The following MMP28 variants were observed in gnomAD, a reference collection of about 807,000 sequenced individuals.
MMP28 encodes the protein matrix metallopeptidase 28, also known as matrix metalloproteinase-28.
In MMP28, 55 loss-of-function variants were observed where a neutral mutation model predicts 60.5. That is an observed-to-expected ratio of 0.91 (90% CI 0.73 to 1.14). The LOEUF (loss-of-function observed/expected upper bound fraction) is 1.14. MMP28 is among the 50% of genes most tolerant of loss of function. The probability of loss-of-function intolerance (pLI) is 0.00; values close to 1 mark genes in which losing one functional copy is unlikely to be tolerated. For synonymous variants in MMP28, 318 were observed against 312.5 expected, an observed-to-expected ratio of 1.02 and a Z score of -0.18; for missense variants, 686 against 738.3, an observed-to-expected ratio of 0.93 and a Z score of 0.82.
intron 1 of MMP28, among the ~76,000 whole-genome samples, chr17:35,784,365 G>T (rs2086589770): frequency 6.6e-6 from 1 of 151,842 alleles, no homozygotes; most frequent in Non-Finnish European, 1.5e-5. Flanking sequence ...CTTAACATGT[G>T]TATATTCAAA....
rs1302517657 is a variant in MMP28 at position 35,766,685 on chromosome 17, C to T, written c.1378G>A (p.Gly460Arg). Residue 460 changes from glycine to arginine, a missense_variant, in exon 8 of 8, where the codon GGA becomes AGA. Transcript: ENST00000605424. The surrounding 1 kb of genome is among the most constrained non-coding windows in gnomAD (Gnocchi z 4.3). ...PYYPRSLQDW[G>R]GIPEEVSGAL... ...CCGCTGACCTCCTCAGGGATGCCTCCCCAGTCCTGCAGACTTCGGGGGTAG... is the reference window on the plus strand; with the variant it reads ...CCGCTGACCTCCTCAGGGATGCCTCTCCAGTCCTGCAGACTTCGGGGGTAG... 1 of 1,608,622 alleles carries T rather than the reference C, an allele frequency of 6.2e-7. No homozygotes were observed. The highest frequency in any genetic ancestry group is 8.5e-7 in the Non-Finnish European group (1 of 1,177,532).
intron 1 of MMP28, among the ~76,000 whole-genome samples, chr17:35,790,152 C>T (rs576525862): frequency 3.3e-5 from 5 of 150,712 alleles, no homozygotes; most frequent in African/African-American, 7.3e-5. Flanking sequence ...CTGCAACCTC[C>T]GCCTCCTGGG....
At chr17:35,794,830 C>A (rs1490264153) in intron 1 of MMP28, among the ~76,000 whole-genome samples, 1 of 152,166 alleles carries the variant, frequency 6.6e-6, no homozygotes, top group Non-Finnish European at 1.5e-5. Flanking sequence ...CAGCGGCGGT[C>A]CCCGGCCAGG....
At chr17:35,769,999 G>A (rs1180412132) in intron 5 of MMP28, 68 bp downstream of exon 5, 6 of 1,471,378 alleles carry the variant, frequency 4.1e-6, no homozygotes, top group Non-Finnish European at 5.4e-6. Context: ...TGCAGAGCCG[G>A]CGTTCAAGGA....
At chr17:35,764,354 G>C (rs587722545), downstream of MMP28, 44 of 1,454,918 alleles carry the variant, frequency 3.0e-5, no homozygotes, top group Non-Finnish European at 3.9e-5. Flanking sequence ...ACCGGGGCAC[G>C]AGGGAGGCGG....
At chr17:35,763,747 A>T (rs180874739), downstream of MMP28, among the ~76,000 whole-genome samples, 12 of 151,860 alleles carry the variant, frequency 7.9e-5, no homozygotes, top group Admixed American at 7.9e-4. Flanking sequence ...AAATACAAAA[A>T]TTAGCAGGGC....
chr17:35,761,052 A>G (rs2085807257), downstream of MMP28: 2 of 1,337,490 alleles, frequency 1.5e-6, no homozygotes, highest in Admixed American at 2.8e-5. Context: ...ACCTTTTCTC[A>G]GTTACCCATC....
At chr17:35,794,160 C>A (rs957575116) in intron 1 of MMP28, among the ~76,000 whole-genome samples, 2 of 151,834 alleles carry the variant, frequency 1.3e-5, no homozygotes, top group African/African-American at 4.8e-5. Flanking sequence ...AGACCCTGGC[C>A]GTATTCTTGA....
chr17:35,764,110 C>T (rs375106365), downstream of MMP28: 97 of 1,550,016 alleles, frequency 6.3e-5, no homozygotes, highest in Non-Finnish European at 7.8e-5. Flanking sequence ...ACGAGGACAA[C>T]CAGAGGCCGC....
intron 1 of MMP28, among the ~76,000 whole-genome samples, chr17:35,784,932 TG>T (rs1555610154): frequency 2.0e-5 from 3 of 152,286 alleles, no homozygotes; most frequent in African/African-American, 7.2e-5. Flanking sequence ...AGGCTTGAGC[TG>T]AATGGAGAGG....
chr17:35,770,624 A>C (rs544612033), intron 4 of MMP28, among the ~76,000 whole-genome samples: 4 of 152,166 alleles, frequency 2.6e-5, no homozygotes, highest in Non-Finnish European at 4.4e-5. Flanking sequence ...TTCAGCATTT[A>C]GCTTAACCTC....
intron 2 of MMP28, chr17:35,756,431 C>G: frequency 1.0e-6 from 1 of 984,312 alleles, no homozygotes; most frequent in Non-Finnish European, 1.2e-6. Context: ...TGCAGTAAAG[C>G]AGAACAGAGA....
At chr17:35,760,924 G>A (rs1598404117), downstream of MMP28, 1 of 1,613,732 alleles carries the variant, frequency 6.2e-7, no homozygotes, top group Non-Finnish European at 8.5e-7. Context: ...GGGAAAGCAG[G>A]GCACAGCCTT....
At chr17:35,768,766 T>C (rs1194570712) in intron 5 of MMP28, among the ~76,000 whole-genome samples, 1 of 151,984 alleles carries the variant, frequency 6.6e-6, no homozygotes, top group East Asian at 1.9e-4. Context: ...GCTGAGATCA[T>C]GCCACTGCAC....
intron 1 of MMP28, among the ~76,000 whole-genome samples, chr17:35,780,642 C>T (rs1165684427): frequency 6.6e-6 from 1 of 151,938 alleles, no homozygotes; most frequent in Non-Finnish European, 1.5e-5. Flanking sequence ...CGAGACCAGC[C>T]TGGCCAACAT....
intron 1 of MMP28, among the ~76,000 whole-genome samples, chr17:35,789,996 A>C (rs2086764042): frequency 6.7e-6 from 1 of 149,674 alleles, no homozygotes; most frequent in African/African-American, 2.5e-5. Flanking sequence ...TCCTGATCTC[A>C]GGTGATCCAC....
At chr17:35,759,007 G>A (rs80083016) in intron 2 of MMP28, among the ~76,000 whole-genome samples, 3,153 of 152,348 alleles carry the variant, frequency 0.021, 63 homozygotes, top group East Asian at 0.11. Flanking sequence ...GAGTGTCTCA[G>A]TGAGATTGCT....
chr17:35,757,703 ATGT>A (rs1445350905), intron 2 of MMP28, among the ~76,000 whole-genome samples: 3 of 152,196 alleles, frequency 2.0e-5, no homozygotes, highest in Admixed American at 1.3e-4. Context: ...CAAATGTAAG[ATGT>A]TGTTACAAAT....
chr17:35,790,570 T>G (rs2086784651), intron 1 of MMP28, among the ~76,000 whole-genome samples: 2 of 152,200 alleles, frequency 1.3e-5, no homozygotes, highest in Non-Finnish European at 2.9e-5. Flanking sequence ...TTTTGTCTAT[T>G]TTTTCTATTC....
Sources: gnomAD v4.1 joint callset for allele counts (sites outside exome capture counted in the v4.1 genomes callset) on GRCh38, gnomAD v4.1.1 for gene constraint, Gnocchi (gnomAD v3.1) non-coding constraint, MANE v1.5 for transcripts, NCBI Gene and HGNC (gene_info 2026-07-23, HGNC 2026-07-21) for gene names.